NPRL3: variants seen among roughly 807,000 people sequenced by gnomAD.
NPRL3 encodes the protein GATOR1 complex protein NPRL3.
Under a neutral mutation model 57.2 loss-of-function variants are expected in NPRL3, and 23 were observed. That is an observed-to-expected ratio of 0.40 (90% CI 0.29 to 0.57). The LOEUF (loss-of-function observed/expected upper bound fraction) is 0.57, where lower values mean the gene tolerates loss of function less well. Ranked by LOEUF, NPRL3 falls within the 20% of genes least tolerant of loss-of-function variation. The probability of loss-of-function intolerance (pLI) is 0.42; values close to 1 mark genes in which losing one functional copy is unlikely to be tolerated. For synonymous variants in NPRL3, 333 were observed against 321.1 expected, an observed-to-expected ratio of 1.04 and a Z score of -0.39; for missense variants, 691 against 767.1, an observed-to-expected ratio of 0.90 and a Z score of 1.17.
At chr16:96,963 T>TAAA (rs1567132931) in intron 9 of NPRL3, among the ~76,000 whole-genome samples, 4 of 152,074 alleles carry the variant, frequency 2.6e-5, no homozygotes, top group Admixed American at 2.6e-4. Context: ...CCTAACGTGC[T>TAAA]AAGCAGAGAC....
At chr16:128,826 C>A (rs1900661728) in intron 3 of NPRL3, among the ~76,000 whole-genome samples, 1 of 151,662 alleles carries the variant, frequency 6.6e-6, no homozygotes, top group South Asian at 2.1e-4. Flanking sequence ...CTGCCTTGCT[C>A]CAGGAACATG....
At position 138,281 on chromosome 16, in the gene NPRL3, C is replaced by G; in HGVS notation, c.-14G>C. 6.3e-7 allele frequency: 1 copy of G among 1,580,958 alleles called. No homozygotes were observed. Among genetic ancestry groups the G allele is most frequent in the Non-Finnish European group, 8.6e-7 (1 of 1,165,032 alleles). The stretch of plus-strand genomic sequence containing the variant: ...GTTGTCCCGCATCCCGCCGTGGGGC[C>G]GGGGCCGGGGGCGGAGGGGGCCAGA... On this transcript the variant is annotated 5_prime_UTR_variant, in exon 2 of 14. Transcript: ENST00000611875.
intron 2 of NPRL3, among the ~76,000 whole-genome samples, chr16:134,725 G>A (rs1395900144): frequency 1.6e-5 from 2 of 125,094 alleles, no homozygotes; most frequent in South Asian, 5.1e-4. Context: ...TTTTTGAGAC[G>A]GAGTCTCGCT....
intron 3 of NPRL3, chr16:127,072 A>AT (rs1278250827): frequency 1.3e-5 from 2 of 152,218 alleles, no homozygotes; most frequent in Non-Finnish European, 2.9e-5. Context: ...GGACTTCGTC[A>AT]TATTACCCAT....
intron 2 of NPRL3, among the ~76,000 whole-genome samples, chr16:136,464 C>T (rs1425401640): frequency 2.6e-5 from 4 of 151,648 alleles, no homozygotes; most frequent in Admixed American, 6.6e-5. Context: ...CCAAGGCGGG[C>T]GGATCACAAG....
rs375688684 is a variant in NPRL3, at chr16:98,340, A to AG, written c.768-40dup. ...ACCTGTCACGGAACACACGAAGTGC[A>AG]GGAACCCTGCACCGGGTATGCACCA... On this transcript the variant is annotated intron_variant, in intron 8 of 13. Coordinates refer to ENST00000611875, the MANE Select transcript of NPRL3 (RefSeq NM_001077350.3). 2.5e-6 allele frequency: 4 copies of AG among 1,596,366 alleles called. No homozygotes were observed. The African/African-American group carries it at 5.7e-5, about 23-fold the overall frequency.
At chr16:92,806 A>G (rs917846534) in intron 10 of NPRL3, 81 bp from the exon 11 acceptor site, 10 of 1,567,138 alleles carry the variant, frequency 6.4e-6, no homozygotes, top group Non-Finnish European at 8.7e-6. Context: ...GGCAGCAGAG[A>G]AGCAAAGTGT....
At chr16:99,731 A>G (rs1013094554) in intron 8 of NPRL3, among the ~76,000 whole-genome samples, 8 of 151,714 alleles carry the variant, frequency 5.3e-5, no homozygotes, top group African/African-American at 1.7e-4. Context: ...GGAGTTCGAG[A>G]CCAGTCTGGC....
chr16:98,145 C>G lies in NPRL3; in HGVS notation c.924G>C (p.Gln308His), dbSNP rs1596505517. 1 of 1,613,212 alleles carries G rather than the reference C, an allele frequency of 6.2e-7. No individual in the cohort carries two copies. The highest frequency in any genetic ancestry group is 8.5e-7 in the Non-Finnish European group (1 of 1,179,574). ...LAQDADLALL[Q>H]VFQLAAHLVY... is the part of the protein sequence containing the mutation. ...CCCATCTGGGCCTCCAGAGCTATAC[C>G]TGCAGCAAGGCCAGGTCCGCATCTT... Residue 308 changes from glutamine (Q) to histidine (H), a missense_variant and splice_region_variant, in exon 9 of 14, where the codon CAG becomes CAC. Transcript: ENST00000611875.
intron 2 of NPRL3, among the ~76,000 whole-genome samples, chr16:137,509 T>TAG (rs1210172690): frequency 6.6e-6 from 1 of 151,560 alleles, no homozygotes; most frequent in Non-Finnish European, 1.5e-5. Flanking sequence ...CTGTGCTTGC[T>TAG]AGAACTGGGG....
At chr16:110,005 G>A (rs1046255345) in intron 7 of NPRL3, among the ~76,000 whole-genome samples, 1 of 176 alleles carries the variant, frequency 5.7e-3, no homozygotes, top group Admixed American at 0.05. Context: ...GGCCGGGCGC[G>A]GTGCTCACGC....
rs1464932963 is a variant in NPRL3 at position 88,946 on chromosome 16, C to A, written c.1352-56G>T. On this transcript the variant is annotated intron_variant, in intron 12 of 13. Transcript: ENST00000611875. Reference sequence around the variant, plus strand: ...TGGAATTCCAGGACACCCAGGGGAACAGCGAGGGCAGAGCCAGCAGCCAGC... The same window carrying A: ...TGGAATTCCAGGACACCCAGGGGAAAAGCGAGGGCAGAGCCAGCAGCCAGC... The A allele has an allele frequency of 6.6e-6, 10 of 1,524,198 alleles. No individual in the cohort carries two copies. In the East Asian group the frequency reaches 2.1e-4, roughly 32 times the overall value. The allele number at this position is 1,524,198 out of a possible 1,614,324, so 94.4% of individuals were successfully genotyped here.
chr16:100,537 T>C (rs1899237260), intron 7 of NPRL3, 28 bp from the exon 8 acceptor site: 1 of 1,510,336 alleles, frequency 6.6e-7, no homozygotes, highest in Non-Finnish European at 8.9e-7. Context: ...TGTTACCCGT[T>C]CACATAAACT....
chr16:117,540 G>A (rs1005741475), intron 4 of NPRL3, among the ~76,000 whole-genome samples, 165 bp from the exon 5 acceptor site: 4 of 152,226 alleles, frequency 2.6e-5, no homozygotes, highest in Admixed American at 6.5e-5. Flanking sequence ...CATGGGCAAA[G>A]TCACAACTAT....
chr16:131,592 A>G (rs965095210), intron 2 of NPRL3, among the ~76,000 whole-genome samples: 2 of 108,692 alleles, frequency 1.8e-5, no homozygotes, highest in South Asian at 3.5e-4. Context: ...AGTGAGACTC[A>G]GTCTCAAAAA....
At chr16:135,565 G>A (rs7200415) in intron 2 of NPRL3, among the ~76,000 whole-genome samples, 3 of 146,226 alleles carry the variant, frequency 2.1e-5, no homozygotes, top group Admixed American at 1.4e-4. Context: ...GCCAAGATCA[G>A]GCCATTGCAC....
intron 11 of NPRL3, chr16:90,191 C>T (rs981278106): frequency 2.2e-5 from 9 of 403,842 alleles, no homozygotes; most frequent in South Asian, 6.4e-5. Context: ...GGACCTGAGA[C>T]GTGGAGGCCC....
chr16:118,788 C>T (rs1404519632), intron 4 of NPRL3, among the ~76,000 whole-genome samples: 4 of 152,252 alleles, frequency 2.6e-5, no homozygotes, highest in Admixed American at 2.0e-4. Flanking sequence ...CCAGGCCTGC[C>T]GGCCCAGGGA....
At chr16:104,542 C>T (rs1167408403) in intron 7 of NPRL3, among the ~76,000 whole-genome samples, 1 of 152,118 alleles carries the variant, frequency 6.6e-6, no homozygotes. Context: ...TCCTTGGAGC[C>T]GCAGTCATGT....
Sources: allele counts gnomAD v4.1 joint callset (sites outside exome capture counted in the v4.1 genomes callset), GRCh38; gene constraint gnomAD v4.1.1; transcripts MANE v1.5; gene names NCBI Gene and HGNC (gene_info 2026-07-23, HGNC 2026-07-21).